Variants in NRXN3 observed in about 807,000 individuals in gnomAD.
The protein encoded by NRXN3 is neurexin III.
A neutral mutation model predicts 137.6 loss-of-function variants in NRXN3; 32 were observed. That is an observed-to-expected ratio of 0.23 (90% CI 0.18 to 0.31). NRXN3 has a LOEUF of 0.31. Ranked by LOEUF, NRXN3 falls within the 10% of genes least tolerant of loss-of-function variation. NRXN3 has a pLI of 1.00. For missense variants in NRXN3, 1,574 were observed against 2,062.5 expected (o/e 0.76, Z 4.59); for synonymous variants, 798 against 784.5 (o/e 1.02, Z -0.29).
intron 15 of NRXN3, among the ~76,000 whole-genome samples, chr14:79,254,076 C>T (rs1175896199): frequency 6.6e-6 from 1 of 151,842 alleles, no homozygotes; most frequent in Admixed American, 6.6e-5. Flanking sequence ...TTATTTTTTT[C>T]TTGACTACCC....
chr14:78,609,146 A>G (rs975901481), intron 4 of NRXN3, among the ~76,000 whole-genome samples: 3 of 152,146 alleles, frequency 2.0e-5, no homozygotes, highest in Non-Finnish European at 2.9e-5. Flanking sequence ...CTTGAAACTA[A>G]TAGCTGGAGA....
chr14:79,669,418 T>C (rs1298428504), intron 17 of NRXN3, among the ~76,000 whole-genome samples: 1 of 152,136 alleles, frequency 6.6e-6, no homozygotes, highest in African/African-American at 2.4e-5. Flanking sequence ...TCACTCAAAC[T>C]AGTGTATCTT....
chr14:78,676,487 G>A (rs1269757528), intron 6 of NRXN3, among the ~76,000 whole-genome samples: 1 of 152,078 alleles, frequency 6.6e-6, no homozygotes, highest in Non-Finnish European at 1.5e-5. Context: ...TTTTATGAAG[G>A]CTGAGAGAGG....
rs533822290 is a variant in NRXN3 at position 79,115,053 on chromosome 14, C to T, written c.3262+126912C>T. On this transcript the variant is annotated intron_variant, in intron 15 of 20. Coordinates refer to ENST00000335750, the MANE Select transcript of NRXN3 (RefSeq NM_001330195.2). ...TAAGATGCGCAAACTAGGCCAGGCA[C>T]GGTGGCTCACGCCTGTAATCCCAGC... 6.6e-5 allele frequency among the ~76,000 whole-genome samples: 10 copies of T among 151,886 alleles called. 1 individual carries two copies. In the South Asian group the frequency reaches 1.7e-3, roughly 26 times the overall value.
chr14:79,509,577 GTGTGTATA>G (rs2096912887), intron 16 of NRXN3, among the ~76,000 whole-genome samples: 1 of 150,920 alleles, frequency 6.6e-6, no homozygotes, highest in African/African-American at 2.4e-5. Context: ...ATATATATAT[GTGTGTATA>G]TATGTATATA....
chr14:78,720,940 G>A lies in NRXN3; in HGVS notation c.2044+5801G>A, dbSNP rs139279480. Among the ~76,000 whole-genome samples, 97 of 152,212 alleles carry A rather than the reference G, an allele frequency of 6.4e-4. 1 individual carries two copies. The highest frequency in any genetic ancestry group is 2.2e-3 in the African/African-American group (93 of 41,534). On this transcript the variant is annotated intron_variant, in intron 8 of 20. Transcript: ENST00000335750. ...AGGTATTTAGCTCTTTTCTGTGTCAGGCTTTGTGAGCTGATGAGGATATAC... is the reference window on the plus strand; with the variant it reads ...AGGTATTTAGCTCTTTTCTGTGTCAAGCTTTGTGAGCTGATGAGGATATAC...
chr14:78,623,709 A>G (rs1024001044), intron 4 of NRXN3, among the ~76,000 whole-genome samples: 1 of 152,058 alleles, frequency 6.6e-6, no homozygotes, highest in Non-Finnish European at 1.5e-5. Context: ...TGGTATTTAT[A>G]GGCACACACC....
At chr14:79,477,365 C>T (rs1281947560) in intron 16 of NRXN3, among the ~76,000 whole-genome samples, 1 of 152,086 alleles carries the variant, frequency 6.6e-6, no homozygotes, top group African/African-American at 2.4e-5. Context: ...AGTTCTGCCT[C>T]CAACTAGTTC....
chr14:79,461,093 G>A (rs2096332306), intron 15 of NRXN3, among the ~76,000 whole-genome samples: 1 of 152,044 alleles, frequency 6.6e-6, no homozygotes, highest in African/African-American at 2.4e-5. Context: ...TAATGCAGAG[G>A]CCTTGTTTGC....
intron 10 of NRXN3, among the ~76,000 whole-genome samples, chr14:78,876,261 G>A (rs1319533200): frequency 6.6e-6 from 1 of 152,164 alleles, no homozygotes; most frequent in Non-Finnish European, 1.5e-5. Context: ...AGGCAGAGAA[G>A]GGAGAAAAAT....
intron 16 of NRXN3, among the ~76,000 whole-genome samples, chr14:79,512,458 T>A (rs1334591339): frequency 6.6e-6 from 1 of 152,202 alleles, no homozygotes; most frequent in Non-Finnish European, 1.5e-5. Flanking sequence ...CTATAAACAA[T>A]GTTATTTAAC....
chr14:78,366,004 T>C (rs907452962), intron 4 of NRXN3, among the ~76,000 whole-genome samples: 2 of 152,244 alleles, frequency 1.3e-5, no homozygotes, highest in Non-Finnish European at 2.9e-5. Context: ...CTTTATATAC[T>C]GGTTTTGATA....
chr14:79,210,646 T>C (rs931112148), intron 15 of NRXN3, among the ~76,000 whole-genome samples: 1 of 152,164 alleles, frequency 6.6e-6, no homozygotes, highest in Non-Finnish European at 1.5e-5. Context: ...CTTCAGAAAG[T>C]TTCTTTGAGA....
intron 4 of NRXN3, among the ~76,000 whole-genome samples, chr14:78,305,623 G>A (rs2077292068): frequency 6.6e-6 from 1 of 152,150 alleles, no homozygotes; most frequent in African/African-American, 2.4e-5. Context: ...TCCCTGCTAG[G>A]ACTTGAGAGC....
chr14:78,473,398 T>C (rs971664964), intron 4 of NRXN3, among the ~76,000 whole-genome samples: 26 of 112,326 alleles, frequency 2.3e-4, no homozygotes, highest in African/African-American at 8.7e-4. Context: ...CGAGACTCTG[T>C]CTCAAAAAAA....
chr14:78,547,564 T>G (rs1023575194), intron 4 of NRXN3, among the ~76,000 whole-genome samples: 5 of 152,106 alleles, frequency 3.3e-5, no homozygotes, highest in African/African-American at 1.2e-4. Flanking sequence ...ATGTTAATTT[T>G]GGGACAATTG....
chr14:79,337,267 G>A (rs2092325562), intron 15 of NRXN3, among the ~76,000 whole-genome samples: 1 of 152,138 alleles, frequency 6.6e-6, no homozygotes, highest in African/African-American at 2.4e-5. Flanking sequence ...TGAATGAAAG[G>A]AGTTAATTAT....
Position 78,715,062 on chromosome 14 carries a change from C to T in NRXN3, c.1967C>T (p.Ala656Val). The T allele has an allele frequency of 1.2e-6, 2 of 1,613,720 alleles. No homozygotes were observed. The highest frequency in any genetic ancestry group is 1.7e-6 in the Non-Finnish European group (2 of 1,180,026). The change falls in exon 8 of 21, where the codon GCT becomes GTT. Residue 656 changes from alanine (A) to valine (V), a missense_variant. Transcript: ENST00000335750. ...QCDSYPCKNN[A>V]VCKDGWNRFI... ...GACAGCTACCCCTGCAAGAATAATG[C>T]TGTGTGCAAGGACGGCTGGAACCGC...
chr14:78,993,226 G>C (rs1330460433), intron 15 of NRXN3, among the ~76,000 whole-genome samples: 2 of 151,962 alleles, frequency 1.3e-5, no homozygotes, highest in South Asian at 4.2e-4. Flanking sequence ...TTTAATGTAG[G>C]TTGGTGTATT....
Sources: gnomAD v4.1 joint callset for allele counts (sites outside exome capture counted in the v4.1 genomes callset) on GRCh38, gnomAD v4.1.1 for gene constraint, MANE v1.5 for transcripts, NCBI Gene and HGNC (gene_info 2026-07-23, HGNC 2026-07-21) for gene names.